The following CAMK4 variants were observed in gnomAD, a reference collection of about 807,000 sequenced individuals.
CAMK4 encodes calcium/calmodulin-dependent protein kinase type IV.
CAMK4 carries 22 observed loss-of-function variants against 44.9 expected under a neutral mutation model. The observed-to-expected ratio is 0.49, with a 90% CI of 0.35 to 0.70. The LOEUF (loss-of-function observed/expected upper bound fraction) is 0.70. Ranked by LOEUF, CAMK4 falls within the 30% of genes least tolerant of loss-of-function variation. CAMK4 has a pLI of 0.01. For missense variants in CAMK4, 498 were observed against 586.8 expected, an observed-to-expected ratio of 0.85 and a Z score of 1.56; for synonymous variants, 218 against 215.4, an observed-to-expected ratio of 1.01 and a Z score of -0.11.
chr5:111,409,519 G>T (rs780506740), intron 5 of CAMK4, among the ~76,000 whole-genome samples: 2 of 152,208 alleles, frequency 1.3e-5, no homozygotes, highest in African/African-American at 4.8e-5. Flanking sequence ...TGCTGTGAAG[G>T]TCTCTGACTT....
chr5:111,346,096 A>C (rs748744932), intron 2 of CAMK4, among the ~76,000 whole-genome samples: 1 of 151,984 alleles, frequency 6.6e-6, no homozygotes, highest in African/African-American at 2.4e-5. Flanking sequence ...AAAACCTCAA[A>C]GACCAGTTGC....
intron 2 of CAMK4, among the ~76,000 whole-genome samples, chr5:111,363,580 A>G (rs1009618760): frequency 6.6e-6 from 1 of 151,962 alleles, no homozygotes; most frequent in African/African-American, 2.4e-5. Flanking sequence ...GAATGGTATG[A>G]CTCACCGTGT....
chr5:111,441,977 A>G (rs1323634202), intron 5 of CAMK4, among the ~76,000 whole-genome samples: 1 of 152,172 alleles, frequency 6.6e-6, no homozygotes, highest in Non-Finnish European at 1.5e-5. Context: ...TTGTGAAGTA[A>G]TGAGATTAGT....
In CAMK4 at chr5:111,486,351, C is replaced by T. The variant is rs1755617892; in HGVS notation, c.*1885C>T. ...TTCTTATTCCCTCTTTCCTTCCTTC[C>T]TCATTTAATTATTCCCTCTCAGAAT... On this transcript the variant is annotated 3_prime_UTR_variant, in exon 11 of 11. Transcript: ENST00000282356. 6.6e-6 allele frequency: 1 copy of T among 151,908 alleles called. No individual in the cohort carries two copies. Among genetic ancestry groups the T allele is most frequent in the African/African-American group, 2.4e-5 (1 of 41,326 alleles). 9.4% of individuals were successfully genotyped at this position (151,908 alleles called of 1,614,324 possible).
At position 111,427,999 on chromosome 5, in the gene CAMK4, C is replaced by T. The variant is rs115828758; in HGVS notation, c.460-18687C>T. ...CATACCAGTGGTGGCCACAGGGGTG[C>T]TTGTGTCACTCCATCCCCAGATGTA... On this transcript the variant is annotated intron_variant, in intron 5 of 10. Coordinates refer to ENST00000282356, the MANE Select transcript of CAMK4 (RefSeq NM_001744.6). 6.0e-3 allele frequency among the ~76,000 whole-genome samples: 908 copies of T among 152,346 alleles called. 9 individuals are homozygous for T. The highest frequency in any genetic ancestry group is 0.02 in the African/African-American group (840 of 41,572).
intron 7 of CAMK4, among the ~76,000 whole-genome samples, chr5:111,456,098 T>G (rs1267278615): frequency 1.3e-5 from 2 of 152,166 alleles, no homozygotes; most frequent in African/African-American, 4.8e-5. Context: ...ATTTTTCCAT[T>G]TTGTCCTCAC....
At chr5:111,460,185 A>C (rs1421074878) in intron 7 of CAMK4, among the ~76,000 whole-genome samples, 1 of 152,042 alleles carries the variant, frequency 6.6e-6, no homozygotes, top group Non-Finnish European at 1.5e-5. Context: ...GTTTTGCAAG[A>C]ATTATTATTG....
Position 111,492,644 on chromosome 5 carries a change from G to A in CAMK4, c.*8178G>A, listed in dbSNP as rs1755892629. 1 of 152,176 alleles carries A rather than the reference G, an allele frequency of 6.6e-6. No homozygotes were observed. The highest frequency in any genetic ancestry group is 1.9e-4 in the East Asian group (1 of 5,194). 9.4% of individuals were successfully genotyped at this position (152,176 alleles called of 1,614,324 possible). ...GGCCTACATTCTAATCACATTGTAA[G>A]GAAGTGATTTTCTAATTTTGAAGCT... is the stretch of plus-strand genomic sequence containing the variant. On this transcript the variant is annotated 3_prime_UTR_variant, in exon 11 of 11. Transcript: ENST00000282356.
chr5:111,347,727 A>G (rs1749927328), intron 2 of CAMK4, among the ~76,000 whole-genome samples: 1 of 151,934 alleles, frequency 6.6e-6, no homozygotes. Flanking sequence ...GACCCACCCT[A>G]CTCCAGTATG....
At chr5:111,254,528 G>A (rs1164367528) in intron 1 of CAMK4, among the ~76,000 whole-genome samples, 1 of 152,128 alleles carries the variant, frequency 6.6e-6, no homozygotes, top group East Asian at 1.9e-4. Flanking sequence ...CAAAATACAA[G>A]TTTTAAAGTG....
intron 1 of CAMK4, among the ~76,000 whole-genome samples, chr5:111,256,926 T>TA (rs1191485370): frequency 1.3e-5 from 2 of 152,116 alleles, no homozygotes; most frequent in Middle Eastern, 3.4e-3. Context: ...ACAAATCCGT[T>TA]AAAAAAATAG....
intron 1 of CAMK4, among the ~76,000 whole-genome samples, chr5:111,314,301 G>T (rs879105940): frequency 6.6e-6 from 1 of 151,910 alleles, no homozygotes; most frequent in Non-Finnish European, 1.5e-5. Flanking sequence ...TCCAGATAAG[G>T]CTTGACCAAC....
intron 1 of CAMK4, among the ~76,000 whole-genome samples, chr5:111,328,945 A>G (rs1434456481): frequency 1.3e-5 from 2 of 151,604 alleles, no homozygotes; most frequent in East Asian, 2.0e-4. Context: ...TGTACAATCA[A>G]TATCCTTGAT....
At chr5:111,427,560 A>G (rs1753272694) in intron 5 of CAMK4, among the ~76,000 whole-genome samples, 1 of 152,222 alleles carries the variant, frequency 6.6e-6, no homozygotes, top group East Asian at 1.9e-4. Context: ...AACATTCACG[A>G]CAAGCTGACA....
At chr5:111,389,248 A>G (rs988668566) in intron 4 of CAMK4, among the ~76,000 whole-genome samples, 5 of 152,158 alleles carry the variant, frequency 3.3e-5, no homozygotes, top group Non-Finnish European at 7.4e-5. Context: ...AATCCCATTC[A>G]TGAAGGTTCA....
intron 7 of CAMK4, among the ~76,000 whole-genome samples, chr5:111,461,909 T>C (rs1242681294): frequency 6.8e-6 from 1 of 148,068 alleles, no homozygotes; most frequent in African/African-American, 2.5e-5. Context: ...TAGATGCAAA[T>C]AGATCTTTTC....
intron 1 of CAMK4, among the ~76,000 whole-genome samples, chr5:111,263,284 T>C (rs536523743): frequency 2.0e-5 from 3 of 152,362 alleles, no homozygotes; most frequent in Admixed American, 1.3e-4. Context: ...TTTTATGTTA[T>C]ATACATCATA....
At chr5:111,446,113 A>C (rs1754019231) in intron 5 of CAMK4, among the ~76,000 whole-genome samples, 1 of 152,252 alleles carries the variant, frequency 6.6e-6, no homozygotes, top group Non-Finnish European at 1.5e-5. Context: ...AGCTTTCAAC[A>C]TCTATATTGA....
chr5:111,343,503 C>T, intron 1 of CAMK4, among the ~76,000 whole-genome samples: 1 of 151,662 alleles, frequency 6.6e-6, no homozygotes, highest in East Asian at 1.9e-4. Flanking sequence ...TATTGAATGC[C>T]TTCTTACCAT....
Sources: allele counts gnomAD v4.1 joint callset (sites outside exome capture counted in the v4.1 genomes callset), GRCh38; gene constraint gnomAD v4.1.1; transcripts MANE v1.5; gene names NCBI Gene and HGNC (gene_info 2026-07-23, HGNC 2026-07-21).